The following TASP1 variants were observed in gnomAD, a reference collection of about 807,000 sequenced individuals.
TASP1 encodes taspase 1.
Under a neutral mutation model 56.6 loss-of-function variants are expected in TASP1, and 16 were observed. That is an observed-to-expected ratio of 0.28 (90% confidence interval 0.19 to 0.43). The LOEUF (loss-of-function observed/expected upper bound fraction) is 0.43, where lower values mean the gene tolerates loss of function less well. TASP1 is among the 20% of genes least tolerant of loss of function. TASP1 has a pLI of 1.00. For missense variants in TASP1, 393 were observed against 511.6 expected, an observed-to-expected ratio of 0.77 and a Z score of 2.24; for synonymous variants, 179 against 184.2, an observed-to-expected ratio of 0.97 and a Z score of 0.23.
the TASP1 span, among the ~76,000 whole-genome samples, chr20:13,219,483 T>C: frequency 1.3e-5 from 2 of 151,234 alleles, no homozygotes; most frequent in Non-Finnish European, 2.9e-5. Flanking sequence ...GTGACAATTA[T>C]TGGCATTTTA....
At chr20:13,598,897 C>T (rs1415154242) in intron 4 of TASP1, among the ~76,000 whole-genome samples, 1 of 152,162 alleles carries the variant, frequency 6.6e-6, no homozygotes, top group African/African-American at 2.4e-5. Flanking sequence ...CAATAGAAGA[C>T]ATTTATGCAG....
chr20:13,195,924 T>C, the TASP1 span, among the ~76,000 whole-genome samples: 2 of 152,184 alleles, frequency 1.3e-5, no homozygotes, highest in African/African-American at 4.8e-5. Context: ...AAGCATGGCC[T>C]GCCTCCAGAA....
chr20:13,360,569 G>C, the TASP1 span, among the ~76,000 whole-genome samples: 10 of 152,116 alleles, frequency 6.6e-5, no homozygotes, highest in African/African-American at 2.4e-4. Context: ...TGACCTTACT[G>C]TTTAAGCCTA....
chr20:13,308,877 C>T, the TASP1 span, among the ~76,000 whole-genome samples: 3 of 152,134 alleles, frequency 2.0e-5, no homozygotes, highest in Non-Finnish European at 4.4e-5. Flanking sequence ...CCCGAGAGAG[C>T]TCTCTTGCCC....
the TASP1 span, among the ~76,000 whole-genome samples, chr20:13,276,923 A>G: frequency 6.6e-6 from 1 of 152,154 alleles, no homozygotes; most frequent in African/African-American, 2.4e-5. Context: ...CACTTTGTTA[A>G]CTGTAGGGAA....
At chr20:13,290,450 C>T in the TASP1 span, among the ~76,000 whole-genome samples, 3 of 152,174 alleles carry the variant, frequency 2.0e-5, no homozygotes, top group East Asian at 5.8e-4. Context: ...GAGATCGAGA[C>T]CATCCTGGCT....
At chr20:13,200,104 G>T in the TASP1 span, among the ~76,000 whole-genome samples, 1 of 151,882 alleles carries the variant, frequency 6.6e-6, no homozygotes, top group Non-Finnish European at 1.5e-5. Flanking sequence ...AATTCACAAA[G>T]GTACTATGGC....
intron 10 of TASP1, among the ~76,000 whole-genome samples, chr20:13,508,782 A>G (rs1220664173): frequency 6.6e-6 from 1 of 152,182 alleles, no homozygotes; most frequent in Non-Finnish European, 1.5e-5. Flanking sequence ...CAAAACCACA[A>G]TGAGGTATTC....
At chr20:13,118,933 A>C in the TASP1 span, among the ~76,000 whole-genome samples, 3 of 152,244 alleles carry the variant, frequency 2.0e-5, no homozygotes, top group Admixed American at 2.0e-4. Context: ...ACCCTTCAAT[A>C]AGCACTGCTT....
the TASP1 span, among the ~76,000 whole-genome samples, chr20:13,213,405 C>T: frequency 6.6e-6 from 1 of 152,058 alleles, no homozygotes; most frequent in Non-Finnish European, 1.5e-5. Context: ...CTCCCCAAAA[C>T]AAAGTGAACA....
At chr20:13,309,449 A>G in the TASP1 span, among the ~76,000 whole-genome samples, 1 of 152,194 alleles carries the variant, frequency 6.6e-6, no homozygotes, top group African/African-American at 2.4e-5. Context: ...ATATAGCACA[A>G]GCCCACAGCT....
intron 3 of TASP1, among the ~76,000 whole-genome samples, chr20:13,623,951 C>A (rs1447640004): frequency 6.6e-6 from 1 of 152,146 alleles, no homozygotes; most frequent in Non-Finnish European, 1.5e-5. Context: ...GTCACAGGGG[C>A]ATGCCAGAAT....
At chr20:13,193,608 A>C in the TASP1 span, among the ~76,000 whole-genome samples, 6 of 152,356 alleles carry the variant, frequency 3.9e-5, no homozygotes, top group African/African-American at 1.2e-4. Flanking sequence ...ACACTGGTTT[A>C]AACAAATAAG....
At chr20:13,300,444 G>C in the TASP1 span, 1 of 151,858 alleles carries the variant, frequency 6.6e-6, no homozygotes, top group Non-Finnish European at 1.5e-5. Flanking sequence ...GGGAATCTTA[G>C]TTTTTTATGT....
At chr20:13,247,441 G>A in the TASP1 span, among the ~76,000 whole-genome samples, 2 of 152,000 alleles carry the variant, frequency 1.3e-5, no homozygotes, top group Admixed American at 6.6e-5. Context: ...TACAGGTCAG[G>A]AGGGTTCCAA....
the TASP1 span, among the ~76,000 whole-genome samples, chr20:13,207,511 G>A: frequency 3.3e-5 from 5 of 152,212 alleles, no homozygotes; most frequent in Admixed American, 6.5e-5. Context: ...AGGCTGGGAC[G>A]TCCTGCAATC....
At chr20:13,154,183 G>T in the TASP1 span, 1 of 1,606,906 alleles carries the variant, frequency 6.2e-7, no homozygotes, top group South Asian at 1.1e-5. Flanking sequence ...ACCCCAAGGT[G>T]ACCTAAGATG....
chr20:13,170,741 C>A, the TASP1 span, among the ~76,000 whole-genome samples: 4 of 152,142 alleles, frequency 2.6e-5, no homozygotes, highest in Admixed American at 2.6e-4. Context: ...GGCTGCAGTG[C>A]CCATGGCCAG....
At chr20:13,118,468 A>AAAC in the TASP1 span, among the ~76,000 whole-genome samples, 2 of 151,798 alleles carry the variant, frequency 1.3e-5, no homozygotes, top group Non-Finnish European at 2.9e-5. Context: ...AACAAAAAAA[A>AAAC]ACAATAAATA....
Sources: gnomAD v4.1 joint callset for allele counts (sites outside exome capture counted in the v4.1 genomes callset) on GRCh38, gnomAD v4.1.1 for gene constraint, MANE v1.5 for transcripts, NCBI Gene and HGNC (gene_info 2026-07-23, HGNC 2026-07-21) for gene names.